The following LLGL2 variants were observed in gnomAD, a reference collection of about 807,000 sequenced individuals.
The protein encoded by LLGL2 is LLGL scribble cell polarity complex component 2.
A neutral mutation model predicts 123.2 loss-of-function variants in LLGL2; 81 were observed. That is an observed-to-expected ratio of 0.66 (90% confidence interval 0.55 to 0.79). The LOEUF (loss-of-function observed/expected upper bound fraction) is 0.79, where lower values mean the gene tolerates loss of function less well. LLGL2 is among the 30% of genes least tolerant of loss of function. The pLI, the probability that LLGL2 is intolerant of heterozygous loss-of-function variation, is 0.00. For missense variants in LLGL2, 1,273 were observed against 1,414.6 expected, an observed-to-expected ratio of 0.90 and a Z score of 1.61; for synonymous variants, 577 against 594.1, an observed-to-expected ratio of 0.97 and a Z score of 0.42.
intron 1 of LLGL2, among the ~76,000 whole-genome samples, chr17:75,529,588 C>T (rs1419791627): frequency 6.6e-6 from 1 of 151,926 alleles, no homozygotes; most frequent in Non-Finnish European, 1.5e-5. Context: ...TTAGGCCGGG[C>T]TCTGTGTCTC....
chr17:75,555,910 C>T (rs1261511105), intron 2 of LLGL2, 136 bp from the exon 3 acceptor site: 1 of 658,618 alleles, frequency 1.5e-6, no homozygotes. Context: ...GGCTCCAACA[C>T]TCAGGTGTCT....
intron 1 of LLGL2, among the ~76,000 whole-genome samples, chr17:75,540,566 G>A (rs928282115): frequency 6.6e-6 from 1 of 152,322 alleles, no homozygotes; most frequent in African/African-American, 2.4e-5. Flanking sequence ...CTGCCGGGTC[G>A]GCTCTGAGCT....
chr17:75,574,972 C>T lies in LLGL2; in HGVS notation c.*94C>T. ...CAACCGGAGAGGCCGGTGCACAGGG[C>T]CCCGCCAGGGGCTGGGGGCATCCCG... On this transcript the variant is annotated 3_prime_UTR_variant, in exon 26 of 26. Coordinates refer to ENST00000392550, the MANE Select transcript of LLGL2 (RefSeq NM_001031803.2). 1 of 1,574,094 alleles carries T rather than the reference C, an allele frequency of 6.4e-7. No individual in the cohort carries two copies. The highest frequency in any genetic ancestry group is 1.1e-5 in the South Asian group (1 of 90,306).
Position 75,544,751 on chromosome 17 carries a change from A to C in LLGL2, c.75+1250A>C, listed in dbSNP as rs1449567351. On this transcript the variant is annotated intron_variant, in intron 2 of 25. Coordinates refer to ENST00000392550, the MANE Select transcript of LLGL2 (RefSeq NM_001031803.2). The surrounding 1 kb of genome is among the most constrained non-coding windows in gnomAD (Gnocchi z 4.2). Reference sequence around the variant, plus strand: ...TGGGAGAGGTGGGTCAGCGCTCCCAATGTGCCCTGCCATTTCTCTCTGTGT... The same window carrying C: ...TGGGAGAGGTGGGTCAGCGCTCCCACTGTGCCCTGCCATTTCTCTCTGTGT... Among the ~76,000 whole-genome samples, 2 of 152,076 alleles carry C rather than the reference A, an allele frequency of 1.3e-5. No homozygotes were observed. The highest frequency in any genetic ancestry group is 6.5e-5 in the Admixed American group (1 of 15,274).
At chr17:75,572,508 C>CA (rs1432727735) in intron 19 of LLGL2, among the ~76,000 whole-genome samples, 2 of 151,946 alleles carry the variant, frequency 1.3e-5, no homozygotes, top group South Asian at 2.1e-4. Context: ...CAAACAAATG[C>CA]AAAAAAATTA....
chr17:75,571,207 G>A, intron 17 of LLGL2, 107 bp downstream of exon 17: 1 of 1,114,566 alleles, frequency 9.0e-7, no homozygotes. Context: ...TAGGAGCTAA[G>A]AGGTTTCCCC....
At chr17:75,574,696 G>A (rs1156446157) in intron 25 of LLGL2, 28 bp downstream of exon 25, 1 of 1,606,832 alleles carries the variant, frequency 6.2e-7, no homozygotes, top group Non-Finnish European at 8.5e-7. Context: ...GAGTGCAGCT[G>A]CCAACCGTGC....
chr17:75,566,504 C>T (rs1432129466), intron 10 of LLGL2, among the ~76,000 whole-genome samples: 1 of 152,182 alleles, frequency 6.6e-6, no homozygotes, highest in Non-Finnish European at 1.5e-5. Flanking sequence ...CAGACTGTTG[C>T]TATAAAGGGC....
At chr17:75,531,566 C>G (rs2053787151) in intron 1 of LLGL2, among the ~76,000 whole-genome samples, 1 of 152,236 alleles carries the variant, frequency 6.6e-6, no homozygotes, top group Admixed American at 6.5e-5. Flanking sequence ...CAGGGTTCCT[C>G]CTGGGGCGAG....
intron 1 of LLGL2, among the ~76,000 whole-genome samples, chr17:75,527,787 C>CT (rs531150902): frequency 7.0e-6 from 1 of 143,164 alleles, no homozygotes; most frequent in Non-Finnish European, 1.5e-5. Context: ...TTTTTTTTTT[C>CT]TTTTTTTGAG....
chr17:75,559,296 C>G lies in LLGL2; in HGVS notation c.416C>G (p.Ser139Cys), dbSNP rs757395770. The change falls in exon 6 of 26, where the codon TCC becomes TGC. Residue 139 changes from serine (S) to cysteine (C), a missense_variant. Physicochemically the swap from Ser to Cys is moderately radical, Grantham distance 112. Transcript: ENST00000392550. This position sits in a 1 kb window ranked among gnomAD's most constrained non-coding sequence, Gnocchi z 4.6. ...ATQITVVLPH[S>C]SCELLYLGTE... ...CAGATCACCGTGGTCCTGCCACATT[C>G]CTCCTGCGAGCTGCTCTACCTGGGC... is the stretch of plus-strand genomic sequence containing the variant. The G allele has an allele frequency of 1.2e-6, 2 of 1,613,048 alleles. No individual in the cohort carries two copies. The highest frequency in any genetic ancestry group is 1.7e-5 in the Admixed American group (1 of 59,832).
Position 75,559,320 on chromosome 17 carries a change from G to C in LLGL2, c.440G>C (p.Gly147Ala). Residue 147 changes from glycine (G) to alanine (A), a missense_variant, in exon 6 of 26, where the codon GGC becomes GCC. By Grantham distance (60) the Gly-to-Ala change is moderately conservative. Transcript: ENST00000392550. The surrounding 1 kb of genome is among the most constrained non-coding windows in gnomAD (Gnocchi z 4.6). Reference sequence around the variant, plus strand: ...TCCTCCTGCGAGCTGCTCTACCTGGGCACCGAGAGTGGCAACGTGTTTGTG... The same window carrying C: ...TCCTCCTGCGAGCTGCTCTACCTGGCCACCGAGAGTGGCAACGTGTTTGTG... Reference protein sequence around the residue: ...PHSSCELLYLGTESGNVFVVQ... With the variant: ...PHSSCELLYLATESGNVFVVQ... 6.2e-7 allele frequency: 1 copy of C among 1,613,558 alleles called. No homozygotes were observed. The highest frequency in any genetic ancestry group is 8.5e-7 in the Non-Finnish European group (1 of 1,179,956).
chr17:75,541,715 C>CTTTTTTT (rs56656168), intron 1 of LLGL2, among the ~76,000 whole-genome samples: 28 of 31,546 alleles, frequency 8.9e-4, no homozygotes, highest in Middle Eastern at 0.025. Flanking sequence ...TGTGGCTCTG[C>CTTTTTTT]TTTTTTTTTT....
At chr17:75,553,913 G>A (rs548058903) in intron 2 of LLGL2, among the ~76,000 whole-genome samples, 2 of 152,286 alleles carry the variant, frequency 1.3e-5, no homozygotes, top group African/African-American at 4.8e-5. Flanking sequence ...ATGGTTGTTG[G>A]ATTGCAAACC....
chr17:75,549,117 T>G lies in LLGL2; in HGVS notation c.75+5616T>G, dbSNP rs947225214. Among the ~76,000 whole-genome samples, 2 of 152,088 alleles carry G rather than the reference T, an allele frequency of 1.3e-5. No individual in the cohort carries two copies. Among genetic ancestry groups the G allele is most frequent in the African/African-American group, 4.8e-5 (2 of 41,396 alleles). On this transcript the variant is annotated intron_variant, in intron 2 of 25. Coordinates refer to ENST00000392550, the MANE Select transcript of LLGL2 (RefSeq NM_001031803.2). This position sits in a 1 kb window ranked among gnomAD's most constrained non-coding sequence, Gnocchi z 4.0. ...CCTTAGAGTGGTGGCTTCACCTCCC[T>G]TCACACCTCAGTTACTTCACCAGTG...
Position 75,575,017 on chromosome 17 carries a change from T to C in LLGL2, c.*139T>C, listed in dbSNP as rs753112463. 2.3e-4 allele frequency: 279 copies of C among 1,228,328 alleles called. No individual in the cohort carries two copies. The highest frequency in any genetic ancestry group is 3.1e-4 in the Non-Finnish European group (260 of 833,738). 76.1% of individuals were successfully genotyped at this position (1,228,328 alleles called of 1,614,324 possible). A position where few individuals can be genotyped will look rare whatever the true frequency, so the allele number is the denominator to read the frequency against. ...ATCCCGGCTTCCACAATGCAGCTGCTCTGGGCCTCGGGAGAGGAGAGACCC... is the reference window on the plus strand; with the variant it reads ...ATCCCGGCTTCCACAATGCAGCTGCCCTGGGCCTCGGGAGAGGAGAGACCC... On this transcript the variant is annotated 3_prime_UTR_variant, in exon 26 of 26. Transcript: ENST00000392550.
At chr17:75,560,824 A>C (rs1216857825) in intron 6 of LLGL2, among the ~76,000 whole-genome samples, 2 of 111,866 alleles carry the variant, frequency 1.8e-5, no homozygotes, top group African/African-American at 5.3e-5. Context: ...AAAAAAAAAA[A>C]AAAAAAAACA....
rs765996138 is a variant in LLGL2, at chr17:75,574,861, TGTCCTTCAGCAGA to T, written c.3056-7_3061del. 1 of 1,614,032 alleles carries T rather than the reference TGTCCTTCAGCAGA, an allele frequency of 6.2e-7. No individual in the cohort carries two copies. The highest frequency in any genetic ancestry group is 8.5e-7 in the Non-Finnish European group (1 of 1,179,936). On this transcript the variant is annotated splice_acceptor_variant and splice_polypyrimidine_tract_variant and coding_sequence_variant and intron_variant, in exon 26 of 26. Transcript: ENST00000392550. LOFTEE classifies it high-confidence loss of function. Reference sequence around the variant, plus strand: ...AGGGTGATCTTGAGCTGTCCCTCTGTGTCCTTCAGCAGAGTGAGTGGCTGAGCGTCCAGGCTGC... The same window carrying T: ...AGGGTGATCTTGAGCTGTCCCTCTGTGTGAGTGGCTGAGCGTCCAGGCTGC...
At chr17:75,556,006 G>C (rs544244578) in intron 2 of LLGL2, 40 bp from the exon 3 acceptor site, 1 of 1,522,822 alleles carries the variant, frequency 6.6e-7, no homozygotes, top group South Asian at 1.1e-5. Flanking sequence ...GCGCGAAGGG[G>C]ACAGGTCTGC....
Sources: allele counts gnomAD v4.1 joint callset (sites outside exome capture counted in the v4.1 genomes callset), GRCh38; gene constraint gnomAD v4.1.1; non-coding constraint Gnocchi (gnomAD v3.1); transcripts MANE v1.5; gene names NCBI Gene and HGNC (gene_info 2026-07-23, HGNC 2026-07-21).